Variants in TXNDC9 observed in about 807,000 individuals in gnomAD.
The protein encoded by TXNDC9 is thioredoxin domain-containing protein 9.
Under a neutral mutation model 23.0 loss-of-function variants are expected in TXNDC9, and 7 were observed. The ratio of observed to expected loss-of-function variants is 0.30; its 90% confidence interval spans 0.17 to 0.57. The LOEUF (loss-of-function observed/expected upper bound fraction) is 0.57. Among genes scored for constraint, TXNDC9 ranks in the 20% least tolerant of loss-of-function variants. The pLI, the probability that TXNDC9 is intolerant of heterozygous loss-of-function variation, is 0.90. For missense variants in TXNDC9, 198 were observed against 252.6 expected (o/e 0.78, Z 1.47); for synonymous variants, 72 against 90.6 (o/e 0.79, Z 1.17).
the TXNDC9 span, among the ~76,000 whole-genome samples, chr2:99,311,953 A>G: frequency 1.6e-5 from 2 of 126,206 alleles, no homozygotes; most frequent in East Asian, 6.5e-4. Flanking sequence ...TATAATAAAA[A>G]AGGAAAAATA....
At chr2:99,334,609 G>C (rs951525727) in intron 1 of TXNDC9, among the ~76,000 whole-genome samples, 5 of 152,106 alleles carry the variant, frequency 3.3e-5, no homozygotes, top group African/African-American at 4.8e-5. Context: ...GAAAAGGTAC[G>C]ATAAATACAG....
chr2:99,323,336 G>A (rs2094206695), intron 3 of TXNDC9, among the ~76,000 whole-genome samples: 2 of 152,098 alleles, frequency 1.3e-5, no homozygotes, highest in Non-Finnish European at 2.9e-5. Flanking sequence ...GAACCTGGGA[G>A]GTGGAGGCTG....
chr2:99,323,153 T>C (rs2094206233), intron 3 of TXNDC9, among the ~76,000 whole-genome samples: 1 of 152,070 alleles, frequency 6.6e-6, no homozygotes, highest in Non-Finnish European at 1.5e-5. Context: ...ACATCTGTAA[T>C]CTTGGCACTT....
At chr2:99,315,548 TTTC>T (rs879893159), downstream of TXNDC9, among the ~76,000 whole-genome samples, 2 of 152,246 alleles carry the variant, frequency 1.3e-5, no homozygotes, top group Non-Finnish European at 2.9e-5. Context: ...TTCATCTATT[TTTC>T]TTTTGTGACT....
chr2:99,315,454 T>C (rs1423894733), downstream of TXNDC9, among the ~76,000 whole-genome samples: 2 of 152,316 alleles, frequency 1.3e-5, no homozygotes, highest in East Asian at 1.9e-4. Context: ...TTATCAGATA[T>C]ATGATTTGCA....
At chr2:99,322,841 A>C (rs950952063) in intron 3 of TXNDC9, 7 of 669,390 alleles carry the variant, frequency 1.0e-5, no homozygotes, top group Non-Finnish European at 1.4e-5. Flanking sequence ...GGCTCACTGC[A>C]AGCTCCGCCT....
At chr2:99,336,017 A>G (rs1490486918) in intron 1 of TXNDC9, among the ~76,000 whole-genome samples, 7 of 152,174 alleles carry the variant, frequency 4.6e-5, no homozygotes, top group African/African-American at 7.2e-5. Flanking sequence ...TACCTCCCCA[A>G]TGGCAAGCCG....
chr2:99,318,978 A>C (rs1009409676), downstream of TXNDC9: 3 of 152,180 alleles, frequency 2.0e-5, no homozygotes, highest in African/African-American at 7.2e-5. Context: ...TTCTTGAAAA[A>C]CTGTTTTTGT....
chr2:99,307,101 TCC>T, the TXNDC9 span, among the ~76,000 whole-genome samples: 5 of 122,220 alleles, frequency 4.1e-5, 1 homozygote, highest in East Asian at 3.6e-4. Context: ...ACTCTCTCTC[TCC>T]TTCTCACTCT....
At chr2:99,325,325 C>CT (rs911559523) in intron 3 of TXNDC9, among the ~76,000 whole-genome samples, 20 of 151,976 alleles carry the variant, frequency 1.3e-4, no homozygotes, top group Non-Finnish European at 2.4e-4. Flanking sequence ...CAATCTCTCT[C>CT]TTTTTTTTAT....
At chr2:99,316,107 ATTTC>A (rs2094188274), downstream of TXNDC9, among the ~76,000 whole-genome samples, 4 of 119,872 alleles carry the variant, frequency 3.3e-5, no homozygotes, top group African/African-American at 1.2e-4. Context: ...AAAGCTTTGC[ATTTC>A]TTTTTCTTTT....
At chr2:99,334,887 T>A (rs1436475594) in intron 1 of TXNDC9, among the ~76,000 whole-genome samples, 1 of 152,192 alleles carries the variant, frequency 6.6e-6, no homozygotes, top group East Asian at 1.9e-4. Context: ...AATTTCTTTT[T>A]GTATTTTTAG....
intron 2 of TXNDC9, among the ~76,000 whole-genome samples, chr2:99,330,155 T>C (rs2094221358): frequency 6.6e-6 from 1 of 151,256 alleles, no homozygotes; most frequent in Admixed American, 6.6e-5. Context: ...CCGGGCATGG[T>C]GGCAGGCGTC....
chr2:99,306,604 G>T, the TXNDC9 span, among the ~76,000 whole-genome samples: 1 of 152,068 alleles, frequency 6.6e-6, no homozygotes, highest in African/African-American at 2.4e-5. Context: ...AACTTCATAT[G>T]AACCCTCTCA....
chr2:99,326,742 C>G (rs1211763935), intron 3 of TXNDC9, among the ~76,000 whole-genome samples: 2 of 152,132 alleles, frequency 1.3e-5, no homozygotes, highest in Non-Finnish European at 2.9e-5. Flanking sequence ...ACTGGCAGTC[C>G]CAACTCTGCT....
At chr2:99,331,355 C>A (rs1455968516) in intron 2 of TXNDC9, among the ~76,000 whole-genome samples, 2 of 151,894 alleles carry the variant, frequency 1.3e-5, no homozygotes, top group Non-Finnish European at 2.9e-5. Flanking sequence ...GCAGGCGGAT[C>A]ATTTGAGGTC....
downstream of TXNDC9, among the ~76,000 whole-genome samples, chr2:99,315,219 T>C (rs1252059051): frequency 4.0e-5 from 6 of 151,852 alleles, no homozygotes; most frequent in East Asian, 3.9e-4. Context: ...CATGCCACCA[T>C]ACCCGGCTAA....
chr2:99,320,873 T>C (rs77548504), intron 4 of TXNDC9, among the ~76,000 whole-genome samples: 1,960 of 152,194 alleles, frequency 0.013, 44 homozygotes, highest in African/African-American at 0.045. Context: ...TCAATGAGGA[T>C]TCGTTGTACT....
At chr2:99,322,922 C>T (rs112256715) in intron 3 of TXNDC9, among the ~76,000 whole-genome samples, 2,661 of 151,764 alleles carry the variant, frequency 0.018, 89 homozygotes, top group African/African-American at 0.06. Flanking sequence ...CCACCATGCC[C>T]GGCTAATTTT....
Sources: gnomAD v4.1 joint callset for allele counts (sites outside exome capture counted in the v4.1 genomes callset) on GRCh38, gnomAD v4.1.1 for gene constraint, MANE v1.5 for transcripts, NCBI Gene and HGNC (gene_info 2026-07-23, HGNC 2026-07-21) for gene names.